The following GABBR2 variants were observed in gnomAD, a reference collection of about 807,000 sequenced individuals.
GABBR2 encodes the protein gamma-aminobutyric acid type B receptor subunit 2.
A neutral mutation model predicts 105.6 loss-of-function variants in GABBR2; 23 were observed. The observed-to-expected ratio is 0.22, with a 90% CI of 0.16 to 0.31. The LOEUF (loss-of-function observed/expected upper bound fraction) is 0.31, where lower values mean the gene tolerates loss of function less well. Ranked by LOEUF, GABBR2 falls within the 10% of genes least tolerant of loss-of-function variation. The pLI is 1.00. For missense variants in GABBR2, 734 were observed against 1,245.5 expected, an observed-to-expected ratio of 0.59 and a Z score of 6.18; for synonymous variants, 478 against 499.7, an observed-to-expected ratio of 0.96 and a Z score of 0.58.
chr9:98,329,891 CAT>C (rs569842487), intron 13 of GABBR2, among the ~76,000 whole-genome samples: 123 of 152,112 alleles, frequency 8.1e-4, no homozygotes, highest in African/African-American at 2.7e-3. Flanking sequence ...CACACACACA[CAT>C]GCACACTTTC....
chr9:98,321,762 AAAGT>A (rs1435089959), intron 13 of GABBR2, among the ~76,000 whole-genome samples: 2 of 152,208 alleles, frequency 1.3e-5, no homozygotes, highest in South Asian at 2.1e-4. Context: ...GAGAAGAAAT[AAAGT>A]AAGAACATGA....
At chr9:98,334,773 T>C (rs1042133496) in intron 13 of GABBR2, among the ~76,000 whole-genome samples, 2 of 152,204 alleles carry the variant, frequency 1.3e-5, no homozygotes. Flanking sequence ...CAGAGCATCT[T>C]TGGGGCATGT....
intron 2 of GABBR2, among the ~76,000 whole-genome samples, chr9:98,551,660 G>C (rs558262459): frequency 6.6e-6 from 1 of 152,134 alleles, no homozygotes; most frequent in Non-Finnish European, 1.5e-5. Context: ...CTAGCCTGCC[G>C]TGATATGTTT....
In GABBR2 at chr9:98,306,468, G is replaced by A; in HGVS notation, c.2005-123C>T. 1 of 665,634 alleles carries A rather than the reference G, an allele frequency of 1.5e-6. No individual in the cohort carries two copies. The allele number at this position is 665,634 out of a possible 1,614,324, so 41.2% of individuals were successfully genotyped here. ...GTGGGCTGCAGGGAGGGAGGGTCGG[G>A]GGCCTTGCTGTCAGCCGGGTCTTCT... On this transcript the variant is annotated intron_variant, in intron 14 of 18. Transcript: ENST00000259455. The surrounding 1 kb of genome is among the most constrained non-coding windows in gnomAD (Gnocchi z 5.4).
intron 1 of GABBR2, among the ~76,000 whole-genome samples, chr9:98,658,597 C>G (rs1482498117): frequency 1.3e-5 from 2 of 152,210 alleles, no homozygotes; most frequent in Non-Finnish European, 2.9e-5. Flanking sequence ...AAAGACCAGT[C>G]CTTATTCAAT....
intron 1 of GABBR2, among the ~76,000 whole-genome samples, chr9:98,646,271 G>A (rs1461735165): frequency 6.6e-6 from 1 of 152,198 alleles, no homozygotes; most frequent in Non-Finnish European, 1.5e-5. Context: ...TTTGGTATGT[G>A]TTAAGCAGAG....
At chr9:98,345,214 C>T (rs181002960) in intron 13 of GABBR2, among the ~76,000 whole-genome samples, 42 of 152,352 alleles carry the variant, frequency 2.8e-4, no homozygotes, top group Non-Finnish European at 4.3e-4. Context: ...ACTGCAAAAA[C>T]ATCCAGCTAT....
At chr9:98,342,965 T>C (rs1831241099) in intron 13 of GABBR2, among the ~76,000 whole-genome samples, 1 of 152,188 alleles carries the variant, frequency 6.6e-6, no homozygotes, top group Non-Finnish European at 1.5e-5. Flanking sequence ...AGAGCAGCTG[T>C]AGAGGGAGAT....
chr9:98,303,032 G>C (rs1026376725), intron 16 of GABBR2: 2 of 493,550 alleles, frequency 4.1e-6, no homozygotes, highest in South Asian at 3.9e-5. Flanking sequence ...CAAGAGCCTG[G>C]GTGAGGTGGG....
intron 1 of GABBR2, among the ~76,000 whole-genome samples, chr9:98,674,656 C>T (rs1830452252): frequency 6.6e-6 from 1 of 152,118 alleles, no homozygotes; most frequent in Non-Finnish European, 1.5e-5. Context: ...ACAGGAGAGT[C>T]CATGACAGAT....
In GABBR2 at chr9:98,670,810, G is replaced by C. The variant is rs190697798; in HGVS notation, c.321+37607C>G. ...TTGTAGAGACAGAAAGTAGAATGGT[G>C]GTTGCCAAGACTAGAGGGTGGGAAG... On this transcript the variant is annotated intron_variant, in intron 1 of 18. Transcript: ENST00000259455. Among the ~76,000 whole-genome samples the C allele has an allele frequency of 2.3e-3, 354 of 152,262 alleles. 1 individual carries two copies. The highest frequency in any genetic ancestry group is 8.3e-3 in the African/African-American group (344 of 41,556).
At chr9:98,622,023 C>T (rs973222311) in intron 1 of GABBR2, among the ~76,000 whole-genome samples, 1 of 152,128 alleles carries the variant, frequency 6.6e-6, no homozygotes, top group Non-Finnish European at 1.5e-5. Context: ...GGTCTTTAGG[C>T]ATCCCAACTA....
rs1828530144 is a variant in GABBR2, at chr9:98,553,577, G to C, written c.460-11534C>G. On this transcript the variant is annotated intron_variant, in intron 2 of 18. Transcript: ENST00000259455. The stretch of plus-strand genomic sequence containing the variant: ...ACTGCACTCCAGCCTGGGTGACAGA[G>C]GAGACCCCTTCTCAAAAAGAGGAAA... Among the ~76,000 whole-genome samples, 6 of 152,266 alleles carry C rather than the reference G, an allele frequency of 3.9e-5. No individual in the cohort carries two copies. The South Asian group carries it at 1.0e-3, about 26-fold the overall frequency.
intron 1 of GABBR2, among the ~76,000 whole-genome samples, chr9:98,665,705 G>T (rs1830324457): frequency 6.6e-6 from 1 of 152,172 alleles, no homozygotes; most frequent in Non-Finnish European, 1.5e-5. Context: ...CACTTAATGT[G>T]CTTCTGAGCC....
At chr9:98,578,165 CCTT>C in intron 1 of GABBR2, 93 bp from the exon 2 acceptor site, 1 of 1,412,258 alleles carries the variant, frequency 7.1e-7, no homozygotes, top group Non-Finnish European at 9.8e-7. Context: ...CTCATGGAAA[CCTT>C]CTGGGTTTCA....
chr9:98,293,896 C>T lies in GABBR2; in HGVS notation c.2549G>A (p.Gly850Glu). Residue 850 changes from glycine to glutamate, a missense_variant, in exon 18 of 19, where the codon GGA becomes GAA. Coordinates refer to ENST00000259455, the MANE Select transcript of GABBR2 (RefSeq NM_005458.8). The part of the protein sequence containing the change: ...LGNFTESTDG[G>E]KAILKNHLDQ... Reference sequence around the variant, plus strand: ...GAGGTGATTTTTTAAAATGGCCTTTCCTCCATCTGAATGCAAAACAACAAT... The same window carrying T: ...GAGGTGATTTTTTAAAATGGCCTTTTCTCCATCTGAATGCAAAACAACAAT... 2 of 1,591,804 alleles carry T rather than the reference C, an allele frequency of 1.3e-6. No homozygotes were observed. The highest frequency in any genetic ancestry group is 1.7e-6 in the Non-Finnish European group (2 of 1,159,896).
intron 13 of GABBR2, among the ~76,000 whole-genome samples, chr9:98,312,567 T>TA (rs1830652119): frequency 6.6e-6 from 1 of 152,232 alleles, no homozygotes; most frequent in Non-Finnish European, 1.5e-5. Context: ...TGAGACTGTG[T>TA]AAGTATCCTG....
chr9:98,556,993 G>A (rs900981526), intron 2 of GABBR2, among the ~76,000 whole-genome samples: 4 of 152,150 alleles, frequency 2.6e-5, no homozygotes, highest in Non-Finnish European at 4.4e-5. Flanking sequence ...GCAGTGAGCC[G>A]TGATAGTGCC....
At chr9:98,625,971 G>A (rs1829731316) in intron 1 of GABBR2, among the ~76,000 whole-genome samples, 1 of 152,186 alleles carries the variant, frequency 6.6e-6, no homozygotes, top group Non-Finnish European at 1.5e-5. Flanking sequence ...AGGGGACAGA[G>A]CTTAAGACAG....
Sources: allele counts gnomAD v4.1 joint callset (sites outside exome capture counted in the v4.1 genomes callset), GRCh38; gene constraint gnomAD v4.1.1; non-coding constraint Gnocchi (gnomAD v3.1); transcripts MANE v1.5; gene names NCBI Gene and HGNC (gene_info 2026-07-23, HGNC 2026-07-21).